AXIN1: variants seen among roughly 807,000 people sequenced by gnomAD.
AXIN1 encodes axin-1.
A neutral mutation model predicts 76.4 loss-of-function variants in AXIN1; 30 were observed. The observed-to-expected ratio is 0.39, with a 90% CI of 0.29 to 0.53. The LOEUF (loss-of-function observed/expected upper bound fraction) is 0.53, where lower values mean the gene tolerates loss of function less well. Ranked by LOEUF, AXIN1 falls within the 20% of genes least tolerant of loss-of-function variation. The pLI is 0.66. For missense variants in AXIN1, 1,140 were observed against 1,198.8 expected (o/e 0.95, Z 0.72); for synonymous variants, 545 against 501.4 (o/e 1.09, Z -1.16).
chr16:315,454 A>C (rs1597049192), intron 2 of AXIN1, among the ~76,000 whole-genome samples: 1 of 152,318 alleles, frequency 6.6e-6, no homozygotes, highest in East Asian at 1.9e-4. Context: ...TATACGCAAA[A>C]AACATTTTCT....
At position 310,021 on chromosome 16, in the gene AXIN1, C is replaced by A. The variant is rs2141573433; in HGVS notation, c.1068G>T (p.Met356Ile). Residue 356 changes from methionine (M) to isoleucine (I), a missense_variant, in exon 4 of 11, where the codon ATG becomes ATT. Coordinates refer to ENST00000262320, the MANE Select transcript of AXIN1 (RefSeq NM_003502.4). ...GCCCATTGACCTGCACGCTCTCCTG[C>A]ATCTCCCTGCGGTGCTGCTTACGGA... ...YRIRKQHRREMQESVQVNGRV... is the reference protein window; with the variant it reads ...YRIRKQHRREIQESVQVNGRV... The A allele has an allele frequency of 2.5e-6, 4 of 1,613,462 alleles. No homozygotes were observed. Among genetic ancestry groups the A allele is most frequent in the Non-Finnish European group, 3.4e-6 (4 of 1,179,984 alleles).
intron 2 of AXIN1, among the ~76,000 whole-genome samples, chr16:329,924 C>T (rs1231351436): frequency 6.6e-6 from 1 of 151,708 alleles, no homozygotes; most frequent in African/African-American, 2.4e-5. Flanking sequence ...TGAGCCACCG[C>T]GCCTGGCCAA....
At chr16:312,725 G>T (rs973983681) in intron 3 of AXIN1, among the ~76,000 whole-genome samples, 1 of 152,232 alleles carries the variant, frequency 6.6e-6, no homozygotes, top group African/African-American at 2.4e-5. Context: ...CTGCCCGGAA[G>T]GGGCAGGGAG....
chr16:294,969 CAGG>C (rs1014254237), intron 7 of AXIN1, among the ~76,000 whole-genome samples: 32 of 145,620 alleles, frequency 2.2e-4, no homozygotes, highest in African/African-American at 7.9e-4. Context: ...GAGGCTGAGG[CAGG>C]AGAATGGCAT....
At chr16:314,428 A>C in intron 3 of AXIN1, 115 bp downstream of exon 3, 1 of 1,518,294 alleles carries the variant, frequency 6.6e-7, no homozygotes, top group Non-Finnish European at 9.0e-7. Context: ...CATCCGCAAG[A>C]AACAGGGTGT....
chr16:338,531 G>A (rs189503813), intron 2 of AXIN1, among the ~76,000 whole-genome samples: 82 of 152,362 alleles, frequency 5.4e-4, no homozygotes, highest in Middle Eastern at 6.8e-3. Context: ...AGATACTTTC[G>A]TGGACTCTGC....
chr16:332,850 A>G (rs1052587520), intron 2 of AXIN1, among the ~76,000 whole-genome samples: 8 of 152,142 alleles, frequency 5.3e-5, no homozygotes, highest in Non-Finnish European at 1.2e-4. Context: ...TTCTAAAATG[A>G]GAAATGGTAA....
chr16:291,498 G>A (rs1233369671), intron 8 of AXIN1: 24 of 623,412 alleles, frequency 3.8e-5, no homozygotes, highest in Admixed American at 2.3e-4. Flanking sequence ...ATACTGCAGC[G>A]CGCCCCACAT....
At chr16:296,950 C>A in intron 7 of AXIN1, 106 bp downstream of exon 7, 1 of 1,376,780 alleles carries the variant, frequency 7.3e-7, no homozygotes, top group Non-Finnish European at 1.0e-6. Flanking sequence ...TGAGGCGTCA[C>A]AGGCGACACT....
intron 2 of AXIN1, among the ~76,000 whole-genome samples, chr16:329,952 G>A (rs2053661504): frequency 6.6e-6 from 1 of 151,872 alleles, no homozygotes; most frequent in South Asian, 2.1e-4. Flanking sequence ...ATTTTTAGTA[G>A]AGACGGGGTT....
intron 2 of AXIN1, among the ~76,000 whole-genome samples, chr16:333,107 C>T (rs1320453490): frequency 3.3e-5 from 5 of 152,110 alleles, no homozygotes; most frequent in South Asian, 2.1e-4. Context: ...CCGAGGCAGG[C>T]GGATCACCTG....
rs1380412899 is a variant in AXIN1, at chr16:293,501, G to A, written c.2173C>T (p.Pro725Ser). Reference protein sequence around the residue: ...EEEEKRASRAPSKQRYVQEVM... With the variant: ...EEEEKRASRASSKQRYVQEVM... ...ACGCGGCCGTACCTCTGCTTGGAGGGTGCTCGGCTGGCTCTCTTTTCTTCC... is the reference window on the plus strand; with the variant it reads ...ACGCGGCCGTACCTCTGCTTGGAGGATGCTCGGCTGGCTCTCTTTTCTTCC... Residue 725 changes from proline to serine, a missense_variant, in exon 8 of 11, where the codon CCC becomes TCC. Around this residue, in one of 3 missense-constraint regions of AXIN1, gnomAD observed 429 missense variants for 405.8 expected, o/e 1.06. Coordinates refer to ENST00000262320, the MANE Select transcript of AXIN1 (RefSeq NM_003502.4). This position sits in a 1 kb window ranked among gnomAD's most constrained non-coding sequence, Gnocchi z 4.6. The A allele has an allele frequency of 1.2e-6, 2 of 1,609,542 alleles. No individual in the cohort carries two copies. Among genetic ancestry groups the A allele is most frequent in the Non-Finnish European group, 1.7e-6 (2 of 1,179,938 alleles).
In AXIN1 at chr16:287,465, A is replaced by T; in HGVS notation, c.*657T>A. 1 of 415,414 alleles carries T rather than the reference A, an allele frequency of 2.4e-6. No individual in the cohort carries two copies. The highest frequency in any genetic ancestry group is 4.1e-5 in the Admixed American group (1 of 24,462). 25.7% of individuals were successfully genotyped at this position (415,414 alleles called of 1,614,324 possible). ...GCAGGTTCAAAAACAGTTTTATTTC[A>T]TTATTATCCAAGTACCTTTGAAAAG... On this transcript the variant is annotated 3_prime_UTR_variant, in exon 11 of 11. Transcript: ENST00000262320.
Position 293,336 on chromosome 16 carries a change from T to C in AXIN1, c.2186+152A>G. 1 of 777,056 alleles carries C rather than the reference T, an allele frequency of 1.3e-6. No homozygotes were observed. The highest frequency in any genetic ancestry group is 1.7e-5 in the South Asian group (1 of 57,732). The allele number at this position is 777,056 out of a possible 1,614,324, so 48.1% of individuals were successfully genotyped here. On this transcript the variant is annotated intron_variant, in intron 8 of 10. Coordinates refer to ENST00000262320, the MANE Select transcript of AXIN1 (RefSeq NM_003502.4). This position sits in a 1 kb window ranked among gnomAD's most constrained non-coding sequence, Gnocchi z 4.6. ...GGTGGCCTGCCACGTGGCCCCTCAGTGGTTCTCAGTGGATGGAAGGGCCCA... is the reference window on the plus strand; with the variant it reads ...GGTGGCCTGCCACGTGGCCCCTCAGCGGTTCTCAGTGGATGGAAGGGCCCA...
At chr16:338,354 G>A (rs922253013) in intron 2 of AXIN1, among the ~76,000 whole-genome samples, 4 of 152,240 alleles carry the variant, frequency 2.6e-5, no homozygotes, top group Non-Finnish European at 5.9e-5. Context: ...GCTGCTGCAG[G>A]TCAGCACCAG....
At chr16:295,290 G>C (rs1206240012) in intron 7 of AXIN1, among the ~76,000 whole-genome samples, 1 of 151,492 alleles carries the variant, frequency 6.6e-6, no homozygotes, top group East Asian at 2.0e-4. Context: ...ATTTTTTTTA[G>C]TAGAGATGGA....
intron 2 of AXIN1, among the ~76,000 whole-genome samples, chr16:323,040 G>A (rs932391073): frequency 6.6e-6 from 1 of 152,310 alleles, no homozygotes; most frequent in Admixed American, 6.5e-5. Context: ...TGAAATCCCA[G>A]CACTTGGGAG....
At chr16:337,968 C>T (rs2053841511) in intron 2 of AXIN1, among the ~76,000 whole-genome samples, 1 of 152,170 alleles carries the variant, frequency 6.6e-6, no homozygotes, top group South Asian at 2.1e-4. Context: ...CTAATGGGTT[C>T]TGAGAGAACC....
intron 9 of AXIN1, chr16:290,894 C>T (rs150103375): frequency 4.9e-4 from 244 of 498,570 alleles, no homozygotes; most frequent in African/African-American, 4.4e-3. Context: ...CTCTGCCCCA[C>T]AGGAAGCCTG....
Sources: allele counts gnomAD v4.1 joint callset (sites outside exome capture counted in the v4.1 genomes callset), GRCh38; gene constraint gnomAD v4.1.1; regional missense constraint gnomAD v4.1.1; non-coding constraint Gnocchi (gnomAD v3.1); transcripts MANE v1.5; gene names NCBI Gene and HGNC (gene_info 2026-07-23, HGNC 2026-07-21).